Variants in SYCP1 observed in about 807,000 individuals in gnomAD.
SYCP1 encodes the protein synaptonemal complex protein 1, also known as cancer/testis antigen 8.
SYCP1 carries 64 observed loss-of-function variants against 153.1 expected under a neutral mutation model. The ratio of observed to expected loss-of-function variants is 0.42; its 90% CI spans 0.34 to 0.51. The LOEUF (loss-of-function observed/expected upper bound fraction) is 0.51. Among genes scored for constraint, SYCP1 ranks in the 20% least tolerant of loss-of-function variants. The probability of loss-of-function intolerance (pLI) is 0.06; values close to 1 mark genes in which losing one functional copy is unlikely to be tolerated. For synonymous variants in SYCP1, 384 were observed against 341.8 expected (o/e 1.12, Z -1.36); for missense variants, 997 against 1,049.0 (o/e 0.95, Z 0.68).
At chr1:114,970,511 G>GTTT (rs566449119) in intron 27 of SYCP1, among the ~76,000 whole-genome samples, 1 of 143,044 alleles carries the variant, frequency 7.0e-6, no homozygotes, top group Non-Finnish European at 1.5e-5. Flanking sequence ...TACCAGAATT[G>GTTT]TTTTTTTTTT....
intron 8 of SYCP1, among the ~76,000 whole-genome samples, chr1:114,864,501 TG>T (rs1026586698): frequency 2.0e-5 from 3 of 151,930 alleles, no homozygotes; most frequent in East Asian, 1.9e-4. Flanking sequence ...CTTTTTTTGA[TG>T]GGGGGTGGGG....
chr1:114,864,085 G>A (rs190561273), intron 8 of SYCP1, among the ~76,000 whole-genome samples: 1 of 150,530 alleles, frequency 6.6e-6, no homozygotes, highest in Admixed American at 6.6e-5. Flanking sequence ...CACATGTATA[G>A]CTATGTAACA....
At chr1:114,904,120 CTTT>C (rs1272855607) in intron 16 of SYCP1, among the ~76,000 whole-genome samples, 2 of 142,256 alleles carry the variant, frequency 1.4e-5, no homozygotes, top group Admixed American at 7.0e-5. Context: ...TTCTTTCTTT[CTTT>C]TTTTTTTTTT....
chr1:114,886,034 G>A (rs1666272689), intron 13 of SYCP1, 91 bp from the exon 14 acceptor site: 5 of 770,640 alleles, frequency 6.5e-6, no homozygotes, highest in Non-Finnish European at 8.0e-6. Context: ...GGGTGGGAAA[G>A]GGGCAGTGAA....
At chr1:114,907,614 C>G (rs1667898321) in intron 16 of SYCP1, among the ~76,000 whole-genome samples, 1 of 142,418 alleles carries the variant, frequency 7.0e-6, no homozygotes, top group African/African-American at 2.6e-5. Flanking sequence ...TGGAGTCTTG[C>G]TCTGTTGCCC....
intron 27 of SYCP1, among the ~76,000 whole-genome samples, chr1:114,959,051 A>G (rs916020238): frequency 1.3e-5 from 2 of 151,990 alleles, no homozygotes; most frequent in Non-Finnish European, 2.9e-5. Flanking sequence ...ATCATTTGCA[A>G]CACAAAAGTT....
chr1:114,939,702 G>T (rs189980258), intron 23 of SYCP1, among the ~76,000 whole-genome samples: 1 of 152,158 alleles, frequency 6.6e-6, no homozygotes, highest in African/African-American at 2.4e-5. Context: ...GGTTGGTATT[G>T]CCATTACATG....
chr1:114,859,949 T>A (rs1664264163), intron 7 of SYCP1, 139 bp downstream of exon 7: 1 of 290,406 alleles, frequency 3.4e-6, no homozygotes, highest in African/African-American at 2.3e-5. Context: ...ATCTGAGTGC[T>A]ATGGAAAAAG....
intron 11 of SYCP1, among the ~76,000 whole-genome samples, 154 bp from the exon 12 acceptor site, chr1:114,877,940 A>T (rs940269212): frequency 2.0e-5 from 3 of 152,178 alleles, no homozygotes; most frequent in Non-Finnish European, 4.4e-5. Context: ...CTCTGACTAC[A>T]TTGGCTGCCA....
chr1:114,936,572 G>T (rs1489989802), intron 23 of SYCP1, among the ~76,000 whole-genome samples: 2 of 152,108 alleles, frequency 1.3e-5, no homozygotes, highest in Non-Finnish European at 2.9e-5. Flanking sequence ...GCAGGAGAAA[G>T]AAATAAAGGC....
chr1:114,913,047 A>G lies in SYCP1; in HGVS notation c.1544A>G (p.Glu515Gly). ...ELENEKLKNT[E>G]LTSHCNKLSL... ...TTAAAAAATAGGCTTAAGAATACTG[A>G]ATTAACTTCACACTGCAACAAGCTT... Residue 515 changes from glutamate (E) to glycine (G), a missense_variant, in exon 19 of 32, where the codon GAA (glutamate) becomes GGA (glycine). Transcript: ENST00000369522. 1 of 1,609,610 alleles carries G rather than the reference A, an allele frequency of 6.2e-7. No homozygotes were observed. Among genetic ancestry groups the G allele is most frequent in the Non-Finnish European group, 8.5e-7 (1 of 1,177,946 alleles).
chr1:114,890,673 A>G lies in SYCP1; in HGVS notation c.1258+2980A>G, dbSNP rs530361091. Among the ~76,000 whole-genome samples, 4 of 152,162 alleles carry G rather than the reference A, an allele frequency of 2.6e-5. No homozygotes were observed. The South Asian group carries it at 6.2e-4, about 24-fold the overall frequency. On this transcript the variant is annotated intron_variant, in intron 15 of 31. Transcript: ENST00000369522. ...GTAGGAAGGTAGCATTAACAGTGAC[A>G]TAGGTACTCAACTTCTTTGGGTGAC...
intron 8 of SYCP1, among the ~76,000 whole-genome samples, chr1:114,861,113 G>A (rs1221465643): frequency 1.3e-5 from 2 of 152,068 alleles, no homozygotes; most frequent in African/African-American, 4.8e-5. Flanking sequence ...AAATTCAATC[G>A]AGAATAAGAT....
At chr1:114,863,639 G>C (rs1424347786) in intron 8 of SYCP1, among the ~76,000 whole-genome samples, 4 of 152,184 alleles carry the variant, frequency 2.6e-5, no homozygotes, top group Non-Finnish European at 5.9e-5. Flanking sequence ...ACTGGCGTGA[G>C]ATGGTATCTC....
intron 1 of SYCP1, 183 bp downstream of exon 1, chr1:114,855,201 T>A: frequency 4.5e-6 from 1 of 220,974 alleles, no homozygotes; most frequent in Admixed American, 5.7e-5. Flanking sequence ...GGAACGGGCT[T>A]TCTTTTCAGG....
chr1:114,911,558 T>C lies in SYCP1; in HGVS notation c.1505T>C (p.Leu502Pro). The C allele has an allele frequency of 6.6e-7, 1 of 1,506,760 alleles. No homozygotes were observed. The highest frequency in any genetic ancestry group is 8.9e-7 in the Non-Finnish European group (1 of 1,128,886). The allele number at this position is 1,506,760 out of a possible 1,614,324, so 93.3% of individuals were successfully genotyped here. A position where few individuals can be genotyped will look rare whatever the true frequency, so the allele number is the denominator to read the frequency against. The change falls in exon 18 of 32, where the codon CTA becomes CCA. Residue 502 changes from leucine to proline, a missense_variant. This residue lies in a region of SYCP1 where 712 missense variants were observed against 682.9 expected (regional missense o/e 1.04). Transcript: ENST00000369522. ...TATTATTCAAAAGAGGTTAAAGATCTAAAAACTGAGCTTGAAAACGAGAAG... is the reference window on the plus strand; with the variant it reads ...TATTATTCAAAAGAGGTTAAAGATCCAAAAACTGAGCTTGAAAACGAGAAG... ...EQYYSKEVKD[L>P]KTELENEKLK...
chr1:114,938,605 GA>G (rs894230928), intron 23 of SYCP1, among the ~76,000 whole-genome samples: 4 of 150,694 alleles, frequency 2.7e-5, no homozygotes, highest in Admixed American at 6.6e-5. Flanking sequence ...TTTGATAAAG[GA>G]AAAAAAAGAA....
intron 23 of SYCP1, among the ~76,000 whole-genome samples, chr1:114,937,931 A>C (rs1462641322): frequency 6.6e-6 from 1 of 152,128 alleles, no homozygotes; most frequent in Non-Finnish European, 1.5e-5. Context: ...AAATAGGAAC[A>C]CTTTTACACT....
At chr1:114,861,216 A>C (rs1664350509) in intron 8 of SYCP1, among the ~76,000 whole-genome samples, 1 of 152,148 alleles carries the variant, frequency 6.6e-6, no homozygotes, top group African/African-American at 2.4e-5. Flanking sequence ...TTTCAATCTA[A>C]ATAGAATTCT....
Sources: allele counts gnomAD v4.1 joint callset (sites outside exome capture counted in the v4.1 genomes callset), GRCh38; gene constraint gnomAD v4.1.1; regional missense constraint gnomAD v4.1.1; transcripts MANE v1.5; gene names NCBI Gene and HGNC (gene_info 2026-07-23, HGNC 2026-07-21).